Variants in VTI1A observed in about 807,000 individuals in gnomAD.
VTI1A encodes the protein vesicle transport through interaction with t-SNAREs homolog 1A.
A neutral mutation model predicts 34.9 loss-of-function variants in VTI1A; 22 were observed. The ratio of observed to expected loss-of-function variants is 0.63; its 90% confidence interval spans 0.45 to 0.90. VTI1A has a LOEUF of 0.90. Ranked by LOEUF, VTI1A falls within the 40% of genes least tolerant of loss-of-function variation. The pLI, the probability that VTI1A is intolerant of heterozygous loss-of-function variation, is 0.00. For synonymous variants in VTI1A, 87 were observed against 97.3 expected, an observed-to-expected ratio of 0.89 and a Z score of 0.62; for missense variants, 268 against 275.6, an observed-to-expected ratio of 0.97 and a Z score of 0.20.
At chr10:112,668,655 GAGATGA>G (rs1847734363) in intron 6 of VTI1A, among the ~76,000 whole-genome samples, 1 of 152,002 alleles carries the variant, frequency 6.6e-6, no homozygotes, top group Non-Finnish European at 1.5e-5. Context: ...TCATAAGCTG[GAGATGA>G]ATTACCAAAT....
intron 5 of VTI1A, among the ~76,000 whole-genome samples, chr10:112,603,596 A>C (rs1426685450): frequency 6.6e-6 from 1 of 152,132 alleles, no homozygotes; most frequent in Non-Finnish European, 1.5e-5. Context: ...CTTCAAACTG[A>C]GTGCTTCACA....
chr10:112,697,121 A>T (rs191491575), intron 7 of VTI1A, among the ~76,000 whole-genome samples: 2 of 152,264 alleles, frequency 1.3e-5, no homozygotes, highest in Non-Finnish European at 1.5e-5. Context: ...AAGCAGAAAA[A>T]GGCGTATTAA....
intron 7 of VTI1A, among the ~76,000 whole-genome samples, chr10:112,721,922 T>C (rs1442117212): frequency 3.3e-5 from 5 of 152,186 alleles, no homozygotes; most frequent in South Asian, 2.1e-4. Flanking sequence ...CATTTCTGCA[T>C]TGGGGGAGGT....
At chr10:112,586,488 G>A (rs1171417223) in intron 5 of VTI1A, among the ~76,000 whole-genome samples, 1 of 152,098 alleles carries the variant, frequency 6.6e-6, no homozygotes, top group Non-Finnish European at 1.5e-5. Flanking sequence ...GCAATCCTCT[G>A]TATAAAGCCT....
chr10:112,496,318 C>T (rs1390480971), intron 3 of VTI1A, among the ~76,000 whole-genome samples: 1 of 152,006 alleles, frequency 6.6e-6, no homozygotes, highest in Admixed American at 6.6e-5. Flanking sequence ...GCCTGTAATC[C>T]CAGCACTTTG....
chr10:112,706,882 G>A (rs762134581), intron 7 of VTI1A, among the ~76,000 whole-genome samples: 12 of 152,044 alleles, frequency 7.9e-5, no homozygotes, highest in Non-Finnish European at 1.8e-4. Context: ...AGCAGCAGCA[G>A]GTTTTTTTCA....
chr10:112,847,468 A>G, the VTI1A span, among the ~76,000 whole-genome samples: 1 of 152,206 alleles, frequency 6.6e-6, no homozygotes, highest in Non-Finnish European at 1.5e-5. Context: ...AAGTCTGACA[A>G]GCAAAGCCAG....
At chr10:112,830,849 A>ATATATATATATATTTTTTTT in the VTI1A span, among the ~76,000 whole-genome samples, 16 of 33,488 alleles carry the variant, frequency 4.8e-4, no homozygotes, top group Non-Finnish European at 6.9e-4. Flanking sequence ...ATATATATAT[A>ATATATATATATATTTTTTTT]TTTTTTTTTT....
chr10:112,479,554 T>C (rs923360529), intron 3 of VTI1A, among the ~76,000 whole-genome samples: 8 of 152,196 alleles, frequency 5.3e-5, no homozygotes, highest in African/African-American at 1.9e-4. Context: ...GTCCTCACCA[T>C]GCCCAGACAG....
chr10:112,548,847 C>T (rs1851235825), intron 5 of VTI1A: 5 of 1,478,576 alleles, frequency 3.4e-6, no homozygotes, highest in Non-Finnish European at 4.6e-6. Flanking sequence ...GGCCATCTTC[C>T]AGCTTTTTAC....
At chr10:112,697,608 C>G (rs184493079) in intron 7 of VTI1A, among the ~76,000 whole-genome samples, 2 of 152,068 alleles carry the variant, frequency 1.3e-5, no homozygotes, top group East Asian at 1.9e-4. Flanking sequence ...GTTGGTCAGG[C>G]TGATATCGAA....
chr10:112,752,290 G>T, intron 7 of VTI1A: 1 of 871,688 alleles, frequency 1.1e-6, no homozygotes, highest in Non-Finnish European at 1.4e-6. Context: ...TCCAGCCAGG[G>T]TCCCCTTCTC....
chr10:112,625,177 C>T (rs567720721), intron 5 of VTI1A, among the ~76,000 whole-genome samples: 10 of 152,286 alleles, frequency 6.6e-5, no homozygotes, highest in East Asian at 1.9e-4. Context: ...TTTGTGGCTA[C>T]GCCTATGTTT....
intron 5 of VTI1A, among the ~76,000 whole-genome samples, chr10:112,585,124 G>C (rs561355885): frequency 6.6e-6 from 1 of 152,184 alleles, no homozygotes; most frequent in Non-Finnish European, 1.5e-5. Flanking sequence ...AACCATCCCA[G>C]TTTTAATAAA....
intron 5 of VTI1A, among the ~76,000 whole-genome samples, chr10:112,641,343 G>GA (rs931622271): frequency 6.6e-6 from 1 of 151,990 alleles, no homozygotes; most frequent in Non-Finnish European, 1.5e-5. Flanking sequence ...GTTGATAAAG[G>GA]AAAAAACAGA....
intron 3 of VTI1A, among the ~76,000 whole-genome samples, chr10:112,473,785 C>G (rs1848185409): frequency 1.3e-5 from 2 of 152,124 alleles, no homozygotes; most frequent in South Asian, 4.1e-4. Context: ...TAGACCAGGA[C>G]TAAGTACTTT....
At chr10:112,742,114 T>C (rs2133978118) in intron 7 of VTI1A, among the ~76,000 whole-genome samples, 1 of 152,202 alleles carries the variant, frequency 6.6e-6, no homozygotes, top group Non-Finnish European at 1.5e-5. Context: ...TAAAGAAAAA[T>C]GTGGAATTTC....
At chr10:112,574,845 C>G (rs368281468) in intron 5 of VTI1A, among the ~76,000 whole-genome samples, 1 of 152,156 alleles carries the variant, frequency 6.6e-6, no homozygotes, top group Non-Finnish European at 1.5e-5. Flanking sequence ...GGAAATGTTG[C>G]GTGAATTTGA....
Position 112,638,555 on chromosome 10 carries a change from A to G in VTI1A, c.428-29663A>G, listed in dbSNP as rs1846449978. Among the ~76,000 whole-genome samples, 2 of 152,138 alleles carry G rather than the reference A, an allele frequency of 1.3e-5. 1 individual carries two copies. The highest frequency in any genetic ancestry group is 1.3e-4 in the Admixed American group (2 of 15,274). On this transcript the variant is annotated intron_variant, in intron 5 of 7. Coordinates refer to ENST00000393077, the MANE Select transcript of VTI1A (RefSeq NM_145206.4). ...GAAAGATTAATTAAAAGTACCAAAG[A>G]TCAATTTTATTTTTATTTATTTTGA...
Sources: gnomAD v4.1 joint callset for allele counts (sites outside exome capture counted in the v4.1 genomes callset) on GRCh38, gnomAD v4.1.1 for gene constraint, MANE v1.5 for transcripts, NCBI Gene and HGNC (gene_info 2026-07-23, HGNC 2026-07-21) for gene names.